Variants in CLK2 observed in about 807,000 individuals in gnomAD.
CLK2 encodes CDC like kinase 2.
Under a neutral mutation model 73.5 loss-of-function variants are expected in CLK2, and 12 were observed. The ratio of observed to expected loss-of-function variants is 0.16; its 90% CI spans 0.10 to 0.26. The LOEUF (loss-of-function observed/expected upper bound fraction) is 0.26. CLK2 is among the 10% of genes least tolerant of loss of function. The probability of loss-of-function intolerance (pLI) is 1.00; values close to 1 mark genes in which losing one functional copy is unlikely to be tolerated. For synonymous variants in CLK2, 232 were observed against 237.9 expected (o/e 0.98, Z 0.23); for missense variants, 509 against 688.4 (o/e 0.74, Z 2.92).
rs1673334980 is a variant in CLK2, at chr1:155,268,449, G to A, written c.488-90C>T. On this transcript the variant is annotated intron_variant, in intron 4 of 12. Coordinates refer to ENST00000368361, the MANE Select transcript of CLK2 (RefSeq NM_001294338.2). The surrounding 1 kb of genome is among the most constrained non-coding windows in gnomAD (Gnocchi z 5.6). ...GAAGAAAAAAGGGGACAGCAACCTG[G>A]GGTGGAGATGAAGGAAGGGGAACAG... 6 of 1,043,150 alleles carry A rather than the reference G, an allele frequency of 5.8e-6. No individual in the cohort carries two copies. The highest frequency in any genetic ancestry group is 9.0e-6 in the Non-Finnish European group (6 of 669,768). The allele number at this position is 1,043,150 out of a possible 1,614,324, so 64.6% of individuals were successfully genotyped here.
chr1:155,269,859 C>G, intron 2 of CLK2, 143 bp from the exon 3 acceptor site: 1 of 739,286 alleles, frequency 1.4e-6, no homozygotes. Flanking sequence ...CTGAGAGGAC[C>G]AAGGGACCAG....
chr1:155,266,909 T>C lies in CLK2; in HGVS notation c.672-14A>G. On this transcript the variant is annotated splice_polypyrimidine_tract_variant and intron_variant, in intron 6 of 12. Transcript: ENST00000368361. ...TGGACACAGAGGCTGAGAAGAGAGA[T>C]GGGGGAAGGGGGGTTGTCTGATGAG... The C allele has an allele frequency of 6.2e-7, 1 of 1,612,106 alleles. No homozygotes were observed.
chr1:155,272,025 T>TTC (rs1673535649), intron 1 of CLK2, among the ~76,000 whole-genome samples: 2 of 151,620 alleles, frequency 1.3e-5, no homozygotes, highest in Non-Finnish European at 2.9e-5. Context: ...TGTTTTTTTT[T>TTC]TTTTTTTTGA....
chr1:155,266,683 G>T lies in CLK2; in HGVS notation c.838+46C>A, dbSNP rs763371333. On this transcript the variant is annotated intron_variant, in intron 7 of 12. Coordinates refer to ENST00000368361, the MANE Select transcript of CLK2 (RefSeq NM_001294338.2). Reference sequence around the variant, plus strand: ...TGCACAACCGACAGAGAGATCCAATGAAGGGAGGGACTGCCCCAGAGTCCA... The same window carrying T: ...TGCACAACCGACAGAGAGATCCAATTAAGGGAGGGACTGCCCCAGAGTCCA... 45 of 1,583,942 alleles carry T rather than the reference G, an allele frequency of 2.8e-5. No individual in the cohort carries two copies. In the South Asian group the frequency reaches 5.0e-4, roughly 18 times the overall value.
intron 7 of CLK2, 22 bp from the exon 8 acceptor site, chr1:155,265,976 C>T: frequency 4.5e-6 from 7 of 1,559,074 alleles, no homozygotes; most frequent in Non-Finnish European, 6.2e-6. Flanking sequence ...AAGGCCAGGT[C>T]AGGCTTGGTG....
In CLK2 at chr1:155,263,251, C is replaced by A. The variant is rs147637184; in HGVS notation, c.1467G>T (p.Lys489Asn). ...TGATATCCCGACTGGAGTCCCACAA[C>A]TTGTTGGGCGGCTCAGCCCGAAGGC... ...FARLRAEPPNKLWDSSRDISR is the reference protein window; with the variant it reads ...FARLRAEPPNNLWDSSRDISR The change falls in exon 13 of 13, where the codon AAG (lysine) becomes AAT (asparagine). Residue 489 changes from lysine to asparagine, a missense_variant. Physicochemically the swap from Lys to Asn is moderately conservative, Grantham distance 94. Coordinates refer to ENST00000368361, the MANE Select transcript of CLK2 (RefSeq NM_001294338.2). 6.2e-6 allele frequency: 10 copies of A among 1,613,830 alleles called. No individual in the cohort carries two copies. The highest frequency in any genetic ancestry group is 8.5e-6 in the Non-Finnish European group (10 of 1,180,000).
In CLK2 at chr1:155,263,014, T is replaced by C. The variant is rs2148127772; in HGVS notation, c.*204A>G. The C allele has an allele frequency of 1.9e-6, 1 of 514,128 alleles. No homozygotes were observed. The highest frequency in any genetic ancestry group is 3.9e-5 in the South Asian group (1 of 25,448). 31.8% of individuals were successfully genotyped at this position (514,128 alleles called of 1,614,324 possible). A position where few individuals can be genotyped will look rare whatever the true frequency, so the allele number is the denominator to read the frequency against. ...CAGGTGAGGGTGGAAACTGTGTGGA[T>C]GGAATAGTATTATGTACAAGGCAGG... On this transcript the variant is annotated 3_prime_UTR_variant, in exon 13 of 13. Coordinates refer to ENST00000368361, the MANE Select transcript of CLK2 (RefSeq NM_001294338.2).
chr1:155,265,566 CAAATAAATAAAT>C (rs374400975), intron 8 of CLK2, among the ~76,000 whole-genome samples: 109 of 106,498 alleles, frequency 1.0e-3, no homozygotes, highest in African/African-American at 2.3e-3. Flanking sequence ...GACTCTGTCT[CAAATAAATAAAT>C]AAATAAATAA....
At chr1:155,271,014 G>C (rs1215415285) in intron 1 of CLK2, 37 bp from the exon 2 acceptor site, 5 of 1,592,016 alleles carry the variant, frequency 3.1e-6, no homozygotes, top group East Asian at 2.3e-5. Flanking sequence ...GGAAAGTTTC[G>C]AGTTTTCAGA....
chr1:155,269,400 A>G, intron 3 of CLK2, 88 bp downstream of exon 3: 1 of 1,184,022 alleles, frequency 8.4e-7, no homozygotes. Flanking sequence ...CCCAATGTTC[A>G]GCTGAGAACA....
intron 6 of CLK2, 44 bp downstream of exon 6, chr1:155,267,966 G>C (rs769906080): frequency 2.2e-6 from 3 of 1,350,010 alleles, no homozygotes; most frequent in Non-Finnish European, 1.1e-6. Context: ...CCCGTGTAGG[G>C]GTTGGGGCTC....
chr1:155,269,452 A>G lies in CLK2; in HGVS notation c.399+36T>C, dbSNP rs764077715. On this transcript the variant is annotated intron_variant, in intron 3 of 12. Coordinates refer to ENST00000368361, the MANE Select transcript of CLK2 (RefSeq NM_001294338.2). ...ACCAGAGTCCTAGAGGGCCTGCAGA[A>G]GAGTGGGGAGAGGAAGGGCCTGGGC... 11 of 1,577,592 alleles carry G rather than the reference A, an allele frequency of 7.0e-6. No homozygotes were observed. In the South Asian group the frequency reaches 1.1e-4, roughly 16 times the overall value.
Position 155,268,343 on chromosome 1 carries a change from G to T in CLK2, c.504C>A (p.Thr168=), listed in dbSNP as rs368432739. 2.0e-4 allele frequency: 317 copies of T among 1,614,128 alleles called. 2 individuals are homozygous for T. Among genetic ancestry groups the T allele is most frequent in the East Asian group, 1.4e-3 (63 of 44,892 alleles). The change falls in exon 5 of 13, where the codon ACC becomes ACA. Residue 168 remains threonine, a synonymous_variant. Coordinates refer to ENST00000368361, the MANE Select transcript of CLK2 (RefSeq NM_001294338.2). This position sits in a 1 kb window ranked among gnomAD's most constrained non-coding sequence, Gnocchi z 5.6. ...CTCGGCCGAAGGTCCCCTCTCCTAA[G>T]GTGCTAACGATTTCATCTGAAATGA... is the stretch of plus-strand genomic sequence containing the variant. ...WLQERYEIVS[T]LGEGTFGRVV...
Position 155,269,473 on chromosome 1 carries a change from T to C in CLK2, c.399+15A>G. 6.2e-7 allele frequency: 1 copy of C among 1,611,546 alleles called. No individual in the cohort carries two copies. The highest frequency in any genetic ancestry group is 8.5e-7 in the Non-Finnish European group (1 of 1,178,434). Reference sequence around the variant, plus strand: ...CAGAAGAGTGGGGAGAGGAAGGGCCTGGGCTGGCACTCACCGAAGATGAGC... The same window carrying C: ...CAGAAGAGTGGGGAGAGGAAGGGCCCGGGCTGGCACTCACCGAAGATGAGC... On this transcript the variant is annotated intron_variant, in intron 3 of 12. Coordinates refer to ENST00000368361, the MANE Select transcript of CLK2 (RefSeq NM_001294338.2).
chr1:155,267,737 T>C (rs571189573), intron 6 of CLK2, among the ~76,000 whole-genome samples: 1 of 152,342 alleles, frequency 6.6e-6, no homozygotes, highest in African/African-American at 2.4e-5. Context: ...GTCCTAGGGC[T>C]ATGTCCAGGG....
intron 7 of CLK2, 35 bp downstream of exon 7, chr1:155,266,694 C>G: frequency 6.3e-7 from 1 of 1,595,612 alleles, no homozygotes; most frequent in South Asian, 1.1e-5. Context: ...AAGGGAGGGA[C>G]TGCCCCAGAG....
At chr1:155,264,179 G>A (rs1009406611) in intron 11 of CLK2, 42 bp downstream of exon 11, 2 of 1,605,060 alleles carry the variant, frequency 1.2e-6, no homozygotes, top group Admixed American at 1.7e-5. Flanking sequence ...ATTCTGTGGA[G>A]AGAAAAGGAA....
At chr1:155,266,421 T>C (rs1293115217) in intron 7 of CLK2, among the ~76,000 whole-genome samples, 2 of 152,170 alleles carry the variant, frequency 1.3e-5, no homozygotes, top group African/African-American at 4.8e-5. Context: ...TGTCTCTTTA[T>C]GTTTGCTGTC....
chr1:155,271,379 C>T (rs1341196597), intron 1 of CLK2, among the ~76,000 whole-genome samples: 1 of 152,210 alleles, frequency 6.6e-6, no homozygotes, highest in Non-Finnish European at 1.5e-5. Context: ...GCACGCACCA[C>T]CACTCCTGGC....
Sources: allele counts gnomAD v4.1 joint callset (sites outside exome capture counted in the v4.1 genomes callset), GRCh38; gene constraint gnomAD v4.1.1; non-coding constraint Gnocchi (gnomAD v3.1); transcripts MANE v1.5; gene names NCBI Gene and HGNC (gene_info 2026-07-23, HGNC 2026-07-21).